EPB41L5: variants seen among roughly 807,000 people sequenced by gnomAD.
EPB41L5 encodes the protein erythrocyte membrane protein band 4.1 like 5.
In EPB41L5, 55 loss-of-function variants were observed where a neutral mutation model predicts 106.6. That is an observed-to-expected ratio of 0.52 (90% CI 0.42 to 0.65). The LOEUF (loss-of-function observed/expected upper bound fraction) is 0.65. Ranked by LOEUF, EPB41L5 falls within the 30% of genes least tolerant of loss-of-function variation. The pLI is 0.00. For synonymous variants in EPB41L5, 297 were observed against 306.7 expected (o/e 0.97, Z 0.33); for missense variants, 871 against 882.1 (o/e 0.99, Z 0.16).
intron 3 of EPB41L5, among the ~76,000 whole-genome samples, chr2:120,065,969 A>C (rs1681418440): frequency 6.6e-6 from 1 of 152,084 alleles, no homozygotes; most frequent in Non-Finnish European, 1.5e-5. Context: ...GTGTGCACAT[A>C]CTCACACACT....
intron 1 of EPB41L5, among the ~76,000 whole-genome samples, chr2:120,015,114 G>A (rs751759579): frequency 6.6e-6 from 1 of 151,340 alleles, no homozygotes; most frequent in Non-Finnish European, 1.5e-5. Flanking sequence ...ACGAGGTCAG[G>A]AGATGGAGAC....
At chr2:120,167,366 T>C in intron 22 of EPB41L5, 100 bp from the exon 23 acceptor site, 3 of 1,018,448 alleles carry the variant, frequency 2.9e-6, no homozygotes, top group Non-Finnish European at 4.5e-6. Flanking sequence ...AGAATTGCCC[T>C]CCTAGAATGG....
intron 14 of EPB41L5, among the ~76,000 whole-genome samples, chr2:120,095,872 G>A (rs1683721208): frequency 6.6e-6 from 1 of 152,024 alleles, no homozygotes; most frequent in South Asian, 2.1e-4. Flanking sequence ...ATTTCACCAT[G>A]TTGGCCAGGC....
rs748882899 is a variant in EPB41L5 at position 120,127,644 on chromosome 2, A to G, written c.1338-44A>G. 1.3e-5 allele frequency: 19 copies of G among 1,507,028 alleles called. No individual in the cohort carries two copies. In the South Asian group the frequency reaches 2.5e-4, roughly 20 times the overall value. 93.4% of individuals were successfully genotyped at this position (1,507,028 alleles called of 1,614,324 possible). On this transcript the variant is annotated intron_variant, in intron 16 of 24. Transcript: ENST00000263713. ...GGGTGAGTAGTGTTTTAATTTTTCA[A>G]GTTAAATTTCTTGGTCTAAGTAAAT... is the stretch of plus-strand genomic sequence containing the variant.
intron 10 of EPB41L5, among the ~76,000 whole-genome samples, chr2:120,082,435 C>G (rs909407604): frequency 7.9e-5 from 12 of 152,076 alleles, no homozygotes; most frequent in Non-Finnish European, 1.8e-4. Context: ...GTTGAACCAG[C>G]CTTGCGTCCC....
chr2:120,019,165 A>G lies in EPB41L5; in HGVS notation c.81A>G (p.Gln27=). 1.2e-6 allele frequency: 2 copies of G among 1,614,008 alleles called. No individual in the cohort carries two copies. The highest frequency in any genetic ancestry group is 8.5e-7 in the Non-Finnish European group (1 of 1,180,012). The change falls in exon 2 of 25, where the codon CAA becomes CAG. Residue 27 remains glutamine, a synonymous_variant. Transcript: ENST00000263713. ...HAEKERLREA[Q]RAATHIPAAG... ...AGAAGGAACGACTCCGAGAAGCACA[A>G]CGCGCCGCCACACATATTCCTGCAG...
At chr2:120,072,933 A>G (rs1681976346) in intron 3 of EPB41L5, among the ~76,000 whole-genome samples, 1 of 151,650 alleles carries the variant, frequency 6.6e-6, no homozygotes, top group Non-Finnish European at 1.5e-5. Flanking sequence ...AGTATTTAAA[A>G]AAAAAAAAAG....
Position 120,018,786 on chromosome 2 carries a change from C to T in EPB41L5, c.-8-291C>T, listed in dbSNP as rs563637456. 5.3e-5 allele frequency among the ~76,000 whole-genome samples: 8 copies of T among 152,046 alleles called. No individual in the cohort carries two copies. In the South Asian group the frequency reaches 1.7e-3, roughly 32 times the overall value. On this transcript the variant is annotated intron_variant, in intron 1 of 24. Transcript: ENST00000263713. ...CTCACAGCCCCTCAAGTAGCTGGGACCACAGGCATGCACCACCACACCTGG... is the reference window on the plus strand; with the variant it reads ...CTCACAGCCCCTCAAGTAGCTGGGATCACAGGCATGCACCACCACACCTGG...
intron 2 of EPB41L5, among the ~76,000 whole-genome samples, chr2:120,036,434 G>A (rs567475054): frequency 3.9e-4 from 59 of 152,232 alleles, no homozygotes; most frequent in African/African-American, 1.4e-3. Flanking sequence ...CTAGAGTCAG[G>A]CCTTTCTCTT....
Position 120,174,310 on chromosome 2 carries a change from AG to A in EPB41L5, c.2136-530del, listed in dbSNP as rs199841300. 3.9e-5 allele frequency among the ~76,000 whole-genome samples: 6 copies of A among 152,314 alleles called. No individual in the cohort carries two copies. The East Asian group carries it at 1.2e-3, about 29-fold the overall frequency. Reference sequence around the variant, plus strand: ...ATCTCTACAGAAAAATACAAAAATTAGCCAGGCATGTTGGCACAGGCCTATA... The same window carrying A: ...ATCTCTACAGAAAAATACAAAAATTACCAGGCATGTTGGCACAGGCCTATA... On this transcript the variant is annotated intron_variant, in intron 24 of 24. Coordinates refer to ENST00000263713, the MANE Select transcript of EPB41L5 (RefSeq NM_020909.4).
At position 120,019,067 on chromosome 2, in the gene EPB41L5, G is replaced by A; in HGVS notation, c.-8-10G>A. On this transcript the variant is annotated splice_polypyrimidine_tract_variant and intron_variant, in intron 1 of 24. Coordinates refer to ENST00000263713, the MANE Select transcript of EPB41L5 (RefSeq NM_020909.4). ...TTCCTGATGCCATCTTTTTCTCTCT[G>A]TTTTTATAGTGACAAAAATGCTGAG... 6.3e-7 allele frequency: 1 copy of A among 1,576,432 alleles called. No individual in the cohort carries two copies. The highest frequency in any genetic ancestry group is 1.1e-5 in the South Asian group (1 of 88,526).
chr2:120,148,515 C>T (rs978988019), intron 20 of EPB41L5, among the ~76,000 whole-genome samples: 1 of 152,062 alleles, frequency 6.6e-6, no homozygotes, highest in East Asian at 1.9e-4. Context: ...GCAGTCACTC[C>T]ATATTCTGCT....
At chr2:120,096,489 T>C (rs1558871388) in intron 14 of EPB41L5, among the ~76,000 whole-genome samples, 1 of 152,182 alleles carries the variant, frequency 6.6e-6, no homozygotes, top group Admixed American at 6.5e-5. Context: ...AGCTATGTTT[T>C]TCAGAAAAGT....
chr2:120,136,092 T>TG (rs1419333758), intron 18 of EPB41L5, among the ~76,000 whole-genome samples: 1 of 117,878 alleles, frequency 8.5e-6, no homozygotes, highest in Non-Finnish European at 1.7e-5. Flanking sequence ...AAGCTGGGGG[T>TG]GGGGGTGGCG....
At position 120,093,246 on chromosome 2, in the gene EPB41L5, T is replaced by C. The variant is rs762343532; in HGVS notation, c.1151-3T>C. The C allele has an allele frequency of 4.3e-6, 7 of 1,613,120 alleles. No individual in the cohort carries two copies. In the African/African-American group the frequency reaches 6.7e-5, roughly 15 times the overall value. On this transcript the variant is annotated splice_region_variant and splice_polypyrimidine_tract_variant and intron_variant, in intron 13 of 24. Coordinates refer to ENST00000263713, the MANE Select transcript of EPB41L5 (RefSeq NM_020909.4). ...TGAGGTGTTATCTTTTTTCTTCTGT[T>C]AGCATGTGCTACAAAACCTGAAGAA... is the stretch of plus-strand genomic sequence containing the variant.
rs547562533 is a variant in EPB41L5 at position 120,112,745 on chromosome 2, G to A, written c.1337+11931G>A. Among the ~76,000 whole-genome samples, 24 of 152,326 alleles carry A rather than the reference G, an allele frequency of 1.6e-4. 1 individual carries two copies. The South Asian group carries it at 4.1e-3, about 26-fold the overall frequency. On this transcript the variant is annotated intron_variant, in intron 16 of 24. Coordinates refer to ENST00000263713, the MANE Select transcript of EPB41L5 (RefSeq NM_020909.4). The stretch of plus-strand genomic sequence containing the variant: ...AGTATAGAATTTATGGGAAGGTATC[G>A]TGATAATAATAGCTAATACTTGAGT...
rs201938207 is a variant in EPB41L5 at position 120,127,819 on chromosome 2, C to T, written c.1469C>T (p.Pro490Leu). The T allele has an allele frequency of 1.0e-4, 165 of 1,611,428 alleles. No individual in the cohort carries two copies. The highest frequency in any genetic ancestry group is 6.5e-4 in the South Asian group (59 of 90,684). ...GACGTTAATGTAGCCACCAGGCTTC[C>T]GGGATTAGGGGAACCTGAAGTTGAA... ...LNDVNVATRLPGLGEPEVEYE... is the reference protein window; with the variant it reads ...LNDVNVATRLLGLGEPEVEYE... The change falls in exon 17 of 25, where the codon CCG becomes CTG. Residue 490 changes from proline to leucine, a missense_variant. Transcript: ENST00000263713.
chr2:120,155,240 C>T (rs1034757202), intron 20 of EPB41L5, among the ~76,000 whole-genome samples: 8 of 152,108 alleles, frequency 5.3e-5, no homozygotes, highest in East Asian at 1.9e-4. Flanking sequence ...GTCTTAATTT[C>T]GCCTTCATTC....
At chr2:120,016,349 G>A (rs1469116570) in intron 1 of EPB41L5, among the ~76,000 whole-genome samples, 2 of 151,902 alleles carry the variant, frequency 1.3e-5, no homozygotes, top group Non-Finnish European at 2.9e-5. Flanking sequence ...AGAATCTCTT[G>A]AACCCGGCAG....
Sources: gnomAD v4.1 joint callset for allele counts (sites outside exome capture counted in the v4.1 genomes callset) on GRCh38, gnomAD v4.1.1 for gene constraint, MANE v1.5 for transcripts, NCBI Gene and HGNC (gene_info 2026-07-23, HGNC 2026-07-21) for gene names.